Variants in CHST8 observed in about 807,000 individuals in gnomAD.
CHST8 encodes the protein GALNAC-4-ST1.
In CHST8, 10 loss-of-function variants were observed where a neutral mutation model predicts 15.0. That is an observed-to-expected ratio of 0.67 (90% confidence interval 0.41 to 1.13). The LOEUF (loss-of-function observed/expected upper bound fraction) is 1.13. CHST8 is among the 50% of genes most tolerant of loss of function. The pLI, the probability that CHST8 is intolerant of heterozygous loss-of-function variation, is 0.00. For synonymous variants in CHST8, 259 were observed against 256.6 expected (o/e 1.01, Z -0.09); for missense variants, 634 against 608.2 (o/e 1.04, Z -0.45).
chr19:33,769,247 C>T (rs530326850), intron 3 of CHST8, among the ~76,000 whole-genome samples: 55 of 152,228 alleles, frequency 3.6e-4, no homozygotes, highest in Non-Finnish European at 5.7e-4. Context: ...ATCTTCCCCC[C>T]GACTGGCAGG....
Position 33,713,285 on chromosome 19 carries a change from C to T in CHST8, c.130+23894C>T, listed in dbSNP as rs947744700. 1.4e-4 allele frequency among the ~76,000 whole-genome samples: 22 copies of T among 152,170 alleles called. 1 individual carries two copies. Among genetic ancestry groups the T allele is most frequent in the East Asian group, 1.9e-4 (1 of 5,168 alleles). On this transcript the variant is annotated intron_variant, in intron 3 of 4. Transcript: ENST00000650847. ...TGCCACATCTTCCTTTCAAGATCTG[C>T]GATCTCCTAATGGAGGAAGGAGGAT...
rs1419575243 is a variant in CHST8 at position 33,772,062 on chromosome 19, C to A, written c.274C>A (p.Pro92Thr). 1 of 1,612,464 alleles carries A rather than the reference C, an allele frequency of 6.2e-7. No individual in the cohort carries two copies. ...GAPRGRNLPA[P>T]DQPQPPLQRG... Reference sequence around the variant, plus strand: ...CCCGAGGGGCCGCAACCTGCCAGCGCCTGACCAGCCTCAACCCCCGCTGCA... The same window carrying A: ...CCCGAGGGGCCGCAACCTGCCAGCGACTGACCAGCCTCAACCCCCGCTGCA... The change falls in exon 5 of 5, where the codon CCT (proline) becomes ACT (threonine). Residue 92 changes from proline (P) to threonine (T), a missense_variant. Coordinates refer to ENST00000650847, the MANE Select transcript of CHST8 (RefSeq NM_001127895.2).
intron 3 of CHST8, among the ~76,000 whole-genome samples, chr19:33,714,462 C>T (rs1568339502): frequency 6.6e-6 from 1 of 152,090 alleles, no homozygotes; most frequent in Non-Finnish European, 1.5e-5. Flanking sequence ...CATGGACATA[C>T]AGAATGGTAT....
intron 1 of CHST8, among the ~76,000 whole-genome samples, chr19:33,657,146 CACACACACACAA>C (rs1052149996): frequency 3.3e-4 from 49 of 150,514 alleles, no homozygotes; most frequent in African/African-American, 1.2e-3. Context: ...CACACACACA[CACACACACACAA>C]ACACACATAT....
At chr19:33,693,255 C>G (rs982842005) in intron 3 of CHST8, among the ~76,000 whole-genome samples, 4 of 152,138 alleles carry the variant, frequency 2.6e-5, no homozygotes, top group African/African-American at 9.7e-5. Context: ...ATCTGCCCAC[C>G]TCGGCCTCCC....
intron 3 of CHST8, among the ~76,000 whole-genome samples, chr19:33,736,334 G>A (rs78807927): frequency 6.6e-6 from 1 of 152,304 alleles, no homozygotes; most frequent in African/African-American, 2.4e-5. Flanking sequence ...AGGATGGAGG[G>A]TAGGGGTGCT....
At chr19:33,756,155 AT>A (rs1974542201) in intron 3 of CHST8, among the ~76,000 whole-genome samples, 1 of 152,226 alleles carries the variant, frequency 6.6e-6, no homozygotes, top group South Asian at 2.1e-4. Context: ...ACTTCATGTT[AT>A]TGAATAACGT....
At chr19:33,685,382 AT>A (rs1164614872) in intron 2 of CHST8, among the ~76,000 whole-genome samples, 3 of 151,100 alleles carry the variant, frequency 2.0e-5, no homozygotes, top group Non-Finnish European at 4.4e-5. Context: ...TAAAGTAAAA[AT>A]TGGTGACGCC....
chr19:33,639,720 T>C (rs1269482977), intron 1 of CHST8, among the ~76,000 whole-genome samples: 1 of 152,044 alleles, frequency 6.6e-6, no homozygotes. Context: ...CCCTCCTCTG[T>C]AGGGGGTCCT....
chr19:33,695,884 G>C (rs184091876), intron 3 of CHST8, among the ~76,000 whole-genome samples: 244 of 135,918 alleles, frequency 1.8e-3, no homozygotes, highest in African/African-American at 6.7e-3. Context: ...GGAGTACGGT[G>C]GTGTAATCTC....
chr19:33,720,463 C>T (rs1329022647), intron 3 of CHST8, among the ~76,000 whole-genome samples: 2 of 151,962 alleles, frequency 1.3e-5, no homozygotes, highest in Non-Finnish European at 2.9e-5. Flanking sequence ...ACACTGCACA[C>T]ACATGCACCA....
At chr19:33,635,609 T>TG (rs995441171) in intron 1 of CHST8, among the ~76,000 whole-genome samples, 18 of 151,700 alleles carry the variant, frequency 1.2e-4, no homozygotes, top group Non-Finnish European at 2.4e-4. Flanking sequence ...CAAAGATGGG[T>TG]GGGGGGGTGA....
At chr19:33,666,488 A>G (rs1972662920) in intron 1 of CHST8, among the ~76,000 whole-genome samples, 1 of 152,166 alleles carries the variant, frequency 6.6e-6, no homozygotes, top group South Asian at 2.1e-4. Context: ...GCAGAGTTAC[A>G]CTGCAGAGAA....
intron 1 of CHST8, among the ~76,000 whole-genome samples, chr19:33,631,117 T>C (rs1972116066): frequency 6.6e-6 from 1 of 152,234 alleles, no homozygotes; most frequent in South Asian, 2.1e-4. Flanking sequence ...GCGCTGTCTA[T>C]GCTGGTTGGG....
intron 2 of CHST8, among the ~76,000 whole-genome samples, chr19:33,685,469 TG>T (rs1972961375): frequency 6.6e-6 from 1 of 151,910 alleles, no homozygotes; most frequent in South Asian, 2.1e-4. Context: ...GGAAACTCGC[TG>T]GGGCTGTTTA....
chr19:33,646,025 G>T (rs1972351319), intron 1 of CHST8, among the ~76,000 whole-genome samples: 4 of 152,136 alleles, frequency 2.6e-5, no homozygotes, highest in Admixed American at 2.6e-4. Flanking sequence ...CTACTCAGGA[G>T]GCTGAGGTGG....
intron 2 of CHST8, among the ~76,000 whole-genome samples, chr19:33,680,003 T>C (rs1240375029): frequency 6.6e-6 from 1 of 152,196 alleles, no homozygotes; most frequent in African/African-American, 2.4e-5. Flanking sequence ...TCCGACAGGC[T>C]GAATCCACTC....
At chr19:33,770,978 G>A (rs1599646667) in intron 3 of CHST8, among the ~76,000 whole-genome samples, 1 of 152,186 alleles carries the variant, frequency 6.6e-6, no homozygotes, top group East Asian at 1.9e-4. Context: ...CCAGAACTGG[G>A]GCATGGCTGA....
At chr19:33,647,561 A>T (rs912477014) in intron 1 of CHST8, among the ~76,000 whole-genome samples, 1 of 152,104 alleles carries the variant, frequency 6.6e-6, no homozygotes, top group African/African-American at 2.4e-5. Flanking sequence ...AAATGGGGAG[A>T]TAGGCTTGGT....
Sources: gnomAD v4.1 joint callset for allele counts (sites outside exome capture counted in the v4.1 genomes callset) on GRCh38, gnomAD v4.1.1 for gene constraint, MANE v1.5 for transcripts, NCBI Gene and HGNC (gene_info 2026-07-23, HGNC 2026-07-21) for gene names.